RRAGD: variants seen among roughly 807,000 people sequenced by gnomAD.
RRAGD encodes ras-related GTP-binding protein D.
In RRAGD, 12 loss-of-function variants were observed where a neutral mutation model predicts 35.5. That is an observed-to-expected ratio of 0.34 (90% CI 0.22 to 0.55). The LOEUF (loss-of-function observed/expected upper bound fraction) is 0.55. Ranked by LOEUF, RRAGD falls within the 20% of genes least tolerant of loss-of-function variation. The pLI, the probability that RRAGD is intolerant of heterozygous loss-of-function variation, is 0.91. For synonymous variants in RRAGD, 155 were observed against 178.9 expected (o/e 0.87, Z 1.07); for missense variants, 324 against 490.1 (o/e 0.66, Z 3.20).
intron 4 of RRAGD, 131 bp from the exon 5 acceptor site, chr6:89,377,944 T>A: frequency 3.0e-6 from 2 of 660,954 alleles, no homozygotes; most frequent in Non-Finnish European, 5.0e-6. Flanking sequence ...AAATTTAAAT[T>A]GTATCATTTT....
rs768993655 is a variant in RRAGD, at chr6:89,364,835, A to C, written c.*3221T>G. On this transcript the variant is annotated 3_prime_UTR_variant, in exon 7 of 7. Transcript: ENST00000369415. ...CTGCTCCCAGAAAGCTTAGCTATGA[A>C]TACACTTGAAATGAGAGCTTTACCA... 1 of 152,208 alleles carries C rather than the reference A, an allele frequency of 6.6e-6. No homozygotes were observed. The highest frequency in any genetic ancestry group is 1.5e-5 in the Non-Finnish European group (1 of 68,044). 9.4% of individuals were successfully genotyped at this position (152,208 alleles called of 1,614,324 possible). A position where few individuals can be genotyped will look rare whatever the true frequency, so the allele number is the denominator to read the frequency against.
At chr6:89,370,225 A>G (rs1379245613) in intron 6 of RRAGD, among the ~76,000 whole-genome samples, 1 of 152,194 alleles carries the variant, frequency 6.6e-6, no homozygotes, top group Non-Finnish European at 1.5e-5. Context: ...TCTATTATAT[A>G]ATCTGTTCTT....
At chr6:89,368,976 AT>A (rs1195514824) in intron 6 of RRAGD, among the ~76,000 whole-genome samples, 1 of 152,182 alleles carries the variant, frequency 6.6e-6, no homozygotes, top group Non-Finnish European at 1.5e-5. Flanking sequence ...GGTCAGTTCT[AT>A]TTACTATCTT....
chr6:89,399,173 G>A (rs1035378104), intron 1 of RRAGD, among the ~76,000 whole-genome samples: 23 of 152,332 alleles, frequency 1.5e-4, no homozygotes, highest in African/African-American at 5.3e-4. Context: ...CTGATGACCT[G>A]TAGAAGTTGA....
intron 4 of RRAGD, 114 bp downstream of exon 4, chr6:89,379,110 T>C (rs1327763676): frequency 1.8e-6 from 1 of 557,242 alleles, no homozygotes; most frequent in African/African-American, 1.9e-5. Flanking sequence ...TTAAAAGTAA[T>C]ACTTAAATGA....
Position 89,364,863 on chromosome 6 carries a change from G to A in RRAGD, c.*3193C>T, listed in dbSNP as rs1582498205. On this transcript the variant is annotated 3_prime_UTR_variant, in exon 7 of 7. Transcript: ENST00000369415. ...CACTTGAAATGAGAGCTTTACCAAA[G>A]CATGAACCTAGGACACATGCTTTTA... 6.6e-6 allele frequency: 1 copy of A among 152,186 alleles called. No individual in the cohort carries two copies. The highest frequency in any genetic ancestry group is 2.4e-5 in the African/African-American group (1 of 41,438). The allele number at this position is 152,186 out of a possible 1,614,324, so 9.4% of individuals were successfully genotyped here. A position where few individuals can be genotyped will look rare whatever the true frequency, so the allele number is the denominator to read the frequency against.
At chr6:89,405,353 CAAAAAAAAAAAAA>C (rs56252416) in intron 1 of RRAGD, among the ~76,000 whole-genome samples, 1 of 52,182 alleles carries the variant, frequency 1.9e-5, no homozygotes, top group African/African-American at 7.6e-5. Context: ...GACTCCGTCT[CAAAAAAAAAAAAA>C]AAAAAAAAAG....
intron 1 of RRAGD, among the ~76,000 whole-genome samples, chr6:89,399,767 A>AT (rs71556518): frequency 0.4 from 52,094 of 130,550 alleles, 11,306 homozygotes; most frequent in East Asian, 0.68. Flanking sequence ...ATGCCCAGCT[A>AT]TTTTTTTTTT....
At chr6:89,404,921 AG>A (rs1769547678) in intron 1 of RRAGD, among the ~76,000 whole-genome samples, 1 of 152,228 alleles carries the variant, frequency 6.6e-6, no homozygotes, top group Non-Finnish European at 1.5e-5. Flanking sequence ...GGATCTCTAC[AG>A]GAAGAATGAG....
At chr6:89,384,998 G>A (rs532958656) in intron 2 of RRAGD, among the ~76,000 whole-genome samples, 79 of 151,978 alleles carry the variant, frequency 5.2e-4, no homozygotes, top group Non-Finnish European at 9.3e-4. Flanking sequence ...AGGCTGTAGC[G>A]GGTTATAATC....
intron 1 of RRAGD, among the ~76,000 whole-genome samples, chr6:89,397,115 A>G (rs1211116140): frequency 6.6e-6 from 1 of 152,186 alleles, no homozygotes; most frequent in Non-Finnish European, 1.5e-5. Context: ...GGAAGGTAAA[A>G]AAGCACAGGA....
intron 4 of RRAGD, 55 bp downstream of exon 4, chr6:89,379,169 G>T: frequency 1.1e-6 from 1 of 884,972 alleles, no homozygotes; most frequent in Non-Finnish European, 1.8e-6. Flanking sequence ...TTTCACTCTT[G>T]CAATGTTATT....
intron 4 of RRAGD, 50 bp downstream of exon 4, chr6:89,379,174 G>A: frequency 1.0e-6 from 1 of 969,268 alleles, no homozygotes; most frequent in Non-Finnish European, 1.6e-6. Flanking sequence ...CTCTTGCAAT[G>A]TTATTTTCAA....
chr6:89,395,731 T>C (rs896594037), intron 1 of RRAGD, among the ~76,000 whole-genome samples: 2 of 152,162 alleles, frequency 1.3e-5, no homozygotes, highest in Non-Finnish European at 2.9e-5. Context: ...AAATGTTGGT[T>C]AGACAAAAAA....
Position 89,411,636 on chromosome 6 carries a change from T to C in RRAGD, c.148+210A>G. On this transcript the variant is annotated intron_variant, in intron 1 of 6. Coordinates refer to ENST00000369415, the MANE Select transcript of RRAGD (RefSeq NM_021244.5). The surrounding 1 kb of genome is among the most constrained non-coding windows in gnomAD (Gnocchi z 5.6). The stretch of plus-strand genomic sequence containing the variant: ...CCTCCTTCCCCTTTTCCACCGATCC[T>C]GGTTGCCCCTCCGCCACCAGCACCG... 1 of 581,350 alleles carries C rather than the reference T, an allele frequency of 1.7e-6. No homozygotes were observed. The highest frequency in any genetic ancestry group is 3.0e-6 in the Non-Finnish European group (1 of 332,974). 36.0% of individuals were successfully genotyped at this position (581,350 alleles called of 1,614,324 possible). A position where few individuals can be genotyped will look rare whatever the true frequency, so the allele number is the denominator to read the frequency against.
At chr6:89,376,778 C>T (rs1037935502) in intron 5 of RRAGD, among the ~76,000 whole-genome samples, 1 of 152,108 alleles carries the variant, frequency 6.6e-6, no homozygotes, top group Non-Finnish European at 1.5e-5. Context: ...TGAGTTGAAA[C>T]TCCAGTTCCA....
rs901553754 is a variant in RRAGD, at chr6:89,405,941, A to T, written c.148+5905T>A. On this transcript the variant is annotated intron_variant, in intron 1 of 6. Transcript: ENST00000369415. ...TCATATGACTAATACTACTACTAAC[A>T]AAAGCTATGCAAAAATCACGAAGAT... Among the ~76,000 whole-genome samples the T allele has an allele frequency of 7.2e-5, 11 of 152,216 alleles. No homozygotes were observed. The South Asian group carries it at 2.1e-3, about 29-fold the overall frequency.
chr6:89,391,131 TC>T, intron 1 of RRAGD, among the ~76,000 whole-genome samples: 1 of 152,128 alleles, frequency 6.6e-6, no homozygotes, highest in South Asian at 2.1e-4. Context: ...ATGTCTATAA[TC>T]CCAGTACTTT....
intron 3 of RRAGD, 150 bp from the exon 4 acceptor site, chr6:89,379,488 T>TA (rs1769006301): frequency 7.3e-6 from 3 of 409,410 alleles, no homozygotes; most frequent in African/African-American, 6.2e-5. Context: ...GTGACCTCGG[T>TA]AAAAAACAAG....
Sources: allele counts gnomAD v4.1 joint callset (sites outside exome capture counted in the v4.1 genomes callset), GRCh38; gene constraint gnomAD v4.1.1; non-coding constraint Gnocchi (gnomAD v3.1); transcripts MANE v1.5; gene names NCBI Gene and HGNC (gene_info 2026-07-23, HGNC 2026-07-21).